Variants in C8B observed in about 807,000 individuals in gnomAD.
C8B encodes complement C8 beta chain, also known as complement component C8 beta chain.
A neutral mutation model predicts 64.6 loss-of-function variants in C8B; 67 were observed. That is an observed-to-expected ratio of 1.04 (90% confidence interval 0.85 to 1.27). C8B has a LOEUF of 1.27. Ranked by LOEUF, C8B falls within the 50% of genes most tolerant of loss-of-function variation. The pLI, the probability that C8B is intolerant of heterozygous loss-of-function variation, is 0.00. For missense variants in C8B, 790 were observed against 725.2 expected, an observed-to-expected ratio of 1.09 and a Z score of -1.03; for synonymous variants, 284 against 257.7, an observed-to-expected ratio of 1.10 and a Z score of -0.98.
chr1:56,958,345 T>C (rs1287759117), intron 2 of C8B, among the ~76,000 whole-genome samples: 1 of 152,150 alleles, frequency 6.6e-6, no homozygotes, highest in South Asian at 2.1e-4. Flanking sequence ...GCATAGTTAT[T>C]ACCTTTATGG....
At chr1:56,944,377 G>T (rs1489494638) in intron 7 of C8B, among the ~76,000 whole-genome samples, 1 of 152,080 alleles carries the variant, frequency 6.6e-6, no homozygotes, top group South Asian at 2.1e-4. Flanking sequence ...CTCTTGTCTT[G>T]CTGAAATTCC....
At chr1:56,943,971 T>G (rs907176370) in intron 7 of C8B, 147 bp from the exon 8 acceptor site, 13 of 878,230 alleles carry the variant, frequency 1.5e-5, no homozygotes, top group African/African-American at 3.3e-5. Flanking sequence ...TAACAAGAAA[T>G]GTAGGCAGCA....
intron 1 of C8B, among the ~76,000 whole-genome samples, chr1:56,963,493 A>C (rs1645207459): frequency 6.6e-6 from 1 of 151,752 alleles, no homozygotes; most frequent in Admixed American, 6.6e-5. Flanking sequence ...ATGAAATTTA[A>C]AGCAACATCT....
At chr1:56,942,590 A>G (rs1644879831) in intron 8 of C8B, among the ~76,000 whole-genome samples, 1 of 152,128 alleles carries the variant, frequency 6.6e-6, no homozygotes, top group Non-Finnish European at 1.5e-5. Context: ...CTGTAGTCCC[A>G]GCTTTTGGGA....
chr1:56,946,004 G>C lies in C8B; in HGVS notation c.922C>G (p.Pro308Ala). 6.2e-7 allele frequency: 1 copy of C among 1,614,122 alleles called. No individual in the cohort carries two copies. The highest frequency in any genetic ancestry group is 8.5e-7 in the Non-Finnish European group (1 of 1,180,008). ...DLEVAHYKLK[P>A]RSLMLHYEFL... ...TCGTAATGGAGCATGAGGCTTCTGGGTTTCAGCTTGTAATGTGCTACTTCA... is the reference window on the plus strand; with the variant it reads ...TCGTAATGGAGCATGAGGCTTCTGGCTTTCAGCTTGTAATGTGCTACTTCA... Residue 308 changes from proline to alanine, a missense_variant, in exon 7 of 12, where the codon CCC (proline) becomes GCC (alanine). Pro to Ala is a conservative substitution (Grantham distance 27, BLOSUM62 -1). Transcript: ENST00000371237.
At chr1:56,931,900 A>G in intron 10 of C8B, 22 bp from the exon 11 acceptor site, 1 of 1,591,856 alleles carries the variant, frequency 6.3e-7, no homozygotes, top group South Asian at 1.1e-5. Context: ...AGGCAGAGAA[A>G]GTGTGAATCA....
intron 9 of C8B, among the ~76,000 whole-genome samples, chr1:56,934,846 G>A (rs1644753670): frequency 6.6e-6 from 1 of 152,148 alleles, no homozygotes; most frequent in African/African-American, 2.4e-5. Flanking sequence ...CCAATGAAGA[G>A]CTCCTCCAAC....
intron 10 of C8B, among the ~76,000 whole-genome samples, chr1:56,932,143 A>G (rs187755141): frequency 6.6e-6 from 1 of 152,292 alleles, no homozygotes; most frequent in African/African-American, 2.4e-5. Context: ...ACCCATACTT[A>G]AATGCTTTCA....
chr1:56,954,790 GT>G lies in C8B; in HGVS notation c.428del (p.Asp143AlafsTer37). On this transcript the variant is annotated frameshift_variant, in exon 4 of 12. Coordinates refer to ENST00000371237, the MANE Select transcript of C8B (RefSeq NM_000066.4). LOFTEE classifies it high-confidence loss of function. ...CVNRRLLCNGDNDCGDQSDEA... is the reference protein window; with the variant it reads ...CVNRRLLCNGXNDCGDQSDEA... ...CATCTGACTGGTCTCCACAGTCATTGTCCCCATTGCAAAGAAGTCTGCGGTT... is the reference window on the plus strand; with the variant it reads ...CATCTGACTGGTCTCCACAGTCATTGCCCCATTGCAAAGAAGTCTGCGGTT... The G allele has an allele frequency of 1.2e-6, 2 of 1,614,100 alleles. No homozygotes were observed. The highest frequency in any genetic ancestry group is 1.7e-6 in the Non-Finnish European group (2 of 1,179,956).
chr1:56,934,228 G>A (rs1480805617), intron 9 of C8B, among the ~76,000 whole-genome samples: 9 of 148,236 alleles, frequency 6.1e-5, no homozygotes, highest in African/African-American at 2.3e-4. Flanking sequence ...TCTCAGCTCT[G>A]TGTTTCGAGG....
At chr1:56,929,675 C>T (rs2101344306) in intron 11 of C8B, 117 bp from the exon 12 acceptor site, 3 of 942,886 alleles carry the variant, frequency 3.2e-6, no homozygotes, top group East Asian at 5.1e-5. Flanking sequence ...TCTGAGCTCC[C>T]TGCTGCCATT....
At chr1:56,965,565 A>G (rs1245097980) in intron 1 of C8B, among the ~76,000 whole-genome samples, 1 of 152,190 alleles carries the variant, frequency 6.6e-6, no homozygotes, top group Non-Finnish European at 1.5e-5. Flanking sequence ...TTTTTCATAA[A>G]GAATCACACG....
chr1:56,929,455 A>C lies in C8B; in HGVS notation c.1725T>G (p.Asn575Lys). The stretch of plus-strand genomic sequence containing the variant: ...CAGGGCCTGAACAGGGGCTACCCCC[A>C]TTTTGAGGAGGTGGATTGTTACACT... ...QRQCNNPPPQ[N>K]GGSPCSGPAS... Residue 575 changes from asparagine to lysine, a missense_variant, in exon 12 of 12, where the codon AAT becomes AAG. Physicochemically the swap from Asn to Lys is moderately conservative, Grantham distance 94 (BLOSUM62 0). Transcript: ENST00000371237. The C allele has an allele frequency of 6.2e-7, 1 of 1,612,918 alleles. No individual in the cohort carries two copies. Among genetic ancestry groups the C allele is most frequent in the Non-Finnish European group, 8.5e-7 (1 of 1,179,912 alleles).
intron 7 of C8B, among the ~76,000 whole-genome samples, chr1:56,945,048 A>C (rs1032049196): frequency 6.6e-6 from 1 of 152,298 alleles, no homozygotes; most frequent in South Asian, 2.1e-4. Flanking sequence ...ATAATCTGAG[A>C]CCTTGCTATG....
chr1:56,933,949 T>G (rs652553), intron 9 of C8B, among the ~76,000 whole-genome samples: 2 of 152,072 alleles, frequency 1.3e-5, no homozygotes, highest in East Asian at 3.9e-4. Flanking sequence ...ATAGGGGTAC[T>G]GTCCCAACAT....
In C8B at chr1:56,960,020, C is replaced by A. The variant is rs567145070; in HGVS notation, c.249G>T (p.Arg83Ser). 9.9e-6 allele frequency: 16 copies of A among 1,614,082 alleles called. No individual in the cohort carries two copies. In the East Asian group the frequency reaches 1.8e-4, roughly 18 times the overall value. The change falls in exon 2 of 12, where the codon AGG becomes AGT. Residue 83 changes from arginine to serine, a missense_variant and splice_region_variant. Physicochemically the swap from Arg to Ser is moderately radical, Grantham distance 110. Transcript: ENST00000371237. The stretch of plus-strand genomic sequence containing the variant: ...AGCTGTCCCAGGCCTGGTTGCTTAC[C>A]CTTTTCTTCTGACAGGGGTCACATG... ...WTTCDPCQKK[R>S]YRYAYLLQPS...
chr1:56,958,603 G>A (rs1459109560), intron 2 of C8B, among the ~76,000 whole-genome samples: 1 of 152,158 alleles, frequency 6.6e-6, no homozygotes, highest in Non-Finnish European at 1.5e-5. Context: ...AGGCTTTGCT[G>A]AGCCCCCAGC....
chr1:56,956,603 T>C (rs1158454709), intron 3 of C8B, among the ~76,000 whole-genome samples, 166 bp downstream of exon 3: 5 of 152,200 alleles, frequency 3.3e-5, no homozygotes, highest in African/African-American at 1.2e-4. Flanking sequence ...AGGTGATTTT[T>C]ATAAAATAAT....
chr1:56,963,620 A>T (rs1043581701), intron 1 of C8B, among the ~76,000 whole-genome samples: 4 of 152,114 alleles, frequency 2.6e-5, no homozygotes, highest in Non-Finnish European at 4.4e-5. Flanking sequence ...CGCATTAGTG[A>T]GAAGCAGAAG....
Sources: gnomAD v4.1 joint callset for allele counts (sites outside exome capture counted in the v4.1 genomes callset) on GRCh38, gnomAD v4.1.1 for gene constraint, MANE v1.5 for transcripts, NCBI Gene and HGNC (gene_info 2026-07-23, HGNC 2026-07-21) for gene names.